The following SUFU variants were observed in gnomAD, a reference collection of about 807,000 sequenced individuals.
SUFU encodes suppressor of fused homolog.
Under a neutral mutation model 58.9 loss-of-function variants are expected in SUFU, and 7 were observed. That is an observed-to-expected ratio of 0.12 (90% CI 0.07 to 0.22). The LOEUF is 0.22. SUFU is among the 10% of genes least tolerant of loss of function. The pLI is 1.00. For synonymous variants in SUFU, 232 were observed against 254.8 expected, an observed-to-expected ratio of 0.91 and a Z score of 0.85; for missense variants, 451 against 641.3, an observed-to-expected ratio of 0.70 and a Z score of 3.20.
chr10:102,596,409 C>T (rs2063461819), intron 6 of SUFU, among the ~76,000 whole-genome samples: 1 of 152,082 alleles, frequency 6.6e-6, no homozygotes, highest in Admixed American at 6.6e-5. Context: ...TCCTTGAAGC[C>T]ATTTGGAGAG....
At chr10:102,536,459 G>A (rs2062741793) in intron 2 of SUFU, among the ~76,000 whole-genome samples, 1 of 149,782 alleles carries the variant, frequency 6.7e-6, no homozygotes, top group African/African-American at 2.5e-5. Flanking sequence ...CGCCTCCCGG[G>A]TTCAAGCAAT....
At chr10:102,590,176 T>TGTTTTTTTTTTG (rs2063382896) in intron 3 of SUFU, among the ~76,000 whole-genome samples, 1 of 129,484 alleles carries the variant, frequency 7.7e-6, no homozygotes, top group African/African-American at 3.0e-5. Flanking sequence ...TTTTTTTTTT[T>TGTTTTTTTTTTG]GAGACAGAGT....
At chr10:102,526,721 T>C (rs2062612136) in intron 2 of SUFU, among the ~76,000 whole-genome samples, 1 of 152,134 alleles carries the variant, frequency 6.6e-6, no homozygotes, top group African/African-American at 2.4e-5. Context: ...GCTGTCACAT[T>C]GTACAACTCT....
chr10:102,600,454 G>A (rs749058300), intron 8 of SUFU, among the ~76,000 whole-genome samples: 13 of 152,208 alleles, frequency 8.5e-5, no homozygotes, highest in Non-Finnish European at 8.8e-5. Context: ...GGGAGAACAT[G>A]AGTGAAACAG....
intron 3 of SUFU, among the ~76,000 whole-genome samples, chr10:102,579,219 A>T (rs1009944554): frequency 1.3e-5 from 2 of 152,216 alleles, no homozygotes; most frequent in African/African-American, 4.8e-5. Context: ...CTCTGTGGGC[A>T]GTCAGGGTCC....
In SUFU at chr10:102,516,280, G is replaced by A. The variant is rs538741463; in HGVS notation, c.317+6977G>A. ...TTAGAGATGGGGTTTTACTATGTTGGCCAGGCTGGTCTCAGACTCCTGACC... is the reference window on the plus strand; with the variant it reads ...TTAGAGATGGGGTTTTACTATGTTGACCAGGCTGGTCTCAGACTCCTGACC... On this transcript the variant is annotated intron_variant, in intron 2 of 11. Transcript: ENST00000369902. Among the ~76,000 whole-genome samples, 601 of 151,820 alleles carry A rather than the reference G, an allele frequency of 4.0e-3. 3 individuals are homozygous for A. The highest frequency in any genetic ancestry group is 6.3e-3 in the Non-Finnish European group (426 of 67,920).
At chr10:102,546,385 G>T (rs540613371) in intron 2 of SUFU, among the ~76,000 whole-genome samples, 1 of 152,176 alleles carries the variant, frequency 6.6e-6, no homozygotes, top group Non-Finnish European at 1.5e-5. Context: ...TCTATAGGAA[G>T]AAATTCCACT....
At position 102,617,753 on chromosome 10, in the gene SUFU, C is replaced by T; in HGVS notation, c.1296+325C>T. On this transcript the variant is annotated intron_variant, in intron 10 of 11. Coordinates refer to ENST00000369902, the MANE Select transcript of SUFU (RefSeq NM_016169.4). The surrounding 1 kb of genome is among the most constrained non-coding windows in gnomAD (Gnocchi z 4.4). ...TAAGACTTTCTGCACCTTGGGTAAA[C>T]CAAGGTACAAGAACTCAAGGATGAA... is the stretch of plus-strand genomic sequence containing the variant. 1.8e-6 allele frequency: 1 copy of T among 559,870 alleles called. No homozygotes were observed. 34.7% of individuals were successfully genotyped at this position (559,870 alleles called of 1,614,324 possible).
intron 2 of SUFU, among the ~76,000 whole-genome samples, chr10:102,545,455 A>G (rs1444996112): frequency 6.6e-6 from 1 of 152,002 alleles, no homozygotes; most frequent in African/African-American, 2.4e-5. Context: ...TCTCTTGGGC[A>G]TATACTTAGG....
chr10:102,585,043 G>A (rs1175485998), intron 3 of SUFU, among the ~76,000 whole-genome samples: 1 of 152,246 alleles, frequency 6.6e-6, no homozygotes, highest in Non-Finnish European at 1.5e-5. Context: ...TGCCTGGGGT[G>A]GTGGGAACAA....
intron 2 of SUFU, among the ~76,000 whole-genome samples, chr10:102,512,120 C>T (rs1457199840): frequency 1.3e-5 from 2 of 152,296 alleles, no homozygotes; most frequent in South Asian, 4.1e-4. Flanking sequence ...TTCATCTCTT[C>T]GCTGGTCACG....
intron 3 of SUFU, chr10:102,573,143 A>G: frequency 2.6e-6 from 2 of 774,244 alleles, no homozygotes; most frequent in Non-Finnish European, 2.3e-6. Context: ...ACCTTTCAAC[A>G]CTGCCTTCTT....
Position 102,504,067 on chromosome 10 carries a change from C to CGAGA in SUFU, c.-86_-85insGAGA. The CGAGA allele has an allele frequency of 6.8e-7, 1 of 1,468,178 alleles. No homozygotes were observed. Among genetic ancestry groups the CGAGA allele is most frequent in the Non-Finnish European group, 9.0e-7 (1 of 1,113,806 alleles). 90.9% of individuals were successfully genotyped at this position (1,468,178 alleles called of 1,614,324 possible). ...GCCCCCATCGCCTCGGGGAGTCTCA[C>CGAGA]CCACCGAGTCCGCCCGCTGGCCCGT... On this transcript the variant is annotated 5_prime_UTR_variant, in exon 1 of 12. Coordinates refer to ENST00000369902, the MANE Select transcript of SUFU (RefSeq NM_016169.4).
At chr10:102,517,925 G>T (rs747752241) in intron 2 of SUFU, among the ~76,000 whole-genome samples, 1 of 152,100 alleles carries the variant, frequency 6.6e-6, no homozygotes, top group Non-Finnish European at 1.5e-5. Context: ...AGACAATGAA[G>T]AATCTGACCG....
intron 2 of SUFU, among the ~76,000 whole-genome samples, chr10:102,513,465 G>A (rs1418362828): frequency 2.6e-5 from 4 of 152,220 alleles, no homozygotes; most frequent in Non-Finnish European, 5.9e-5. Flanking sequence ...CATCGTAATA[G>A]ATGTCTTGGG....
intron 3 of SUFU, among the ~76,000 whole-genome samples, chr10:102,562,763 T>C (rs2063051574): frequency 6.6e-6 from 1 of 151,158 alleles, no homozygotes; most frequent in Non-Finnish European, 1.5e-5. Context: ...TGATGGTGCA[T>C]ATCTGTAATC....
At chr10:102,605,043 T>A (rs1590072517) in intron 8 of SUFU, among the ~76,000 whole-genome samples, 1 of 151,214 alleles carries the variant, frequency 6.6e-6, no homozygotes, top group East Asian at 2.0e-4. Flanking sequence ...GCGATTCTCC[T>A]GAGTAGCTGG....
intron 10 of SUFU, among the ~76,000 whole-genome samples, chr10:102,622,205 A>G (rs946842556): frequency 1.3e-5 from 2 of 152,170 alleles, no homozygotes; most frequent in African/African-American, 4.8e-5. Context: ...AGCTACAGCC[A>G]CCAACTCACC....
chr10:102,595,471 A>G (rs1455669927), intron 6 of SUFU, among the ~76,000 whole-genome samples: 2 of 152,226 alleles, frequency 1.3e-5, no homozygotes, highest in Non-Finnish European at 2.9e-5. Flanking sequence ...CTGTAGCCAC[A>G]CTGGGATCCA....
Sources: gnomAD v4.1 joint callset for allele counts (sites outside exome capture counted in the v4.1 genomes callset) on GRCh38, gnomAD v4.1.1 for gene constraint, Gnocchi (gnomAD v3.1) non-coding constraint, MANE v1.5 for transcripts, NCBI Gene and HGNC (gene_info 2026-07-23, HGNC 2026-07-21) for gene names.